LOC128092252: variants seen among roughly 807,000 people sequenced by gnomAD.
At chr15:50,654,050 C>A in the LOC128092252 span, among the ~76,000 whole-genome samples, 1 of 152,270 alleles carries the variant, frequency 6.6e-6, no homozygotes, top group Admixed American at 6.5e-5. Context: ...GAAAATCAAA[C>A]CTGAATGGAC....
the LOC128092252 span, among the ~76,000 whole-genome samples, chr15:50,674,587 G>A: frequency 1.3e-5 from 2 of 152,000 alleles, no homozygotes; most frequent in Admixed American, 6.6e-5. Context: ...CACCATTATG[G>A]TATTAGAGTA....
the LOC128092252 span, among the ~76,000 whole-genome samples, chr15:50,671,818 C>T: frequency 6.6e-6 from 1 of 152,070 alleles, no homozygotes; most frequent in East Asian, 1.9e-4. Flanking sequence ...AAAAAAAATT[C>T]CTATGGCCTA....
chr15:50,685,103 A>C, the LOC128092252 span, among the ~76,000 whole-genome samples: 1 of 152,250 alleles, frequency 6.6e-6, no homozygotes, highest in South Asian at 2.1e-4. Flanking sequence ...CACATGGTTG[A>C]AGCTGTTGAA....
the LOC128092252 span, among the ~76,000 whole-genome samples, chr15:50,685,847 G>A: frequency 6.6e-6 from 1 of 152,280 alleles, no homozygotes; most frequent in African/African-American, 2.4e-5. Context: ...AAGGGATGCG[G>A]TAGTTCGACT....
the LOC128092252 span, among the ~76,000 whole-genome samples, chr15:50,669,471 G>A: frequency 5.9e-5 from 9 of 151,970 alleles, no homozygotes; most frequent in Admixed American, 2.6e-4. Flanking sequence ...TGCTGGGCTC[G>A]GTTTTAAAAG....
At chr15:50,653,900 G>A in the LOC128092252 span, among the ~76,000 whole-genome samples, 11 of 152,124 alleles carry the variant, frequency 7.2e-5, no homozygotes, top group African/African-American at 2.4e-4. Flanking sequence ...GGAAGACATA[G>A]CAGTTTTAGT....
the LOC128092252 span, among the ~76,000 whole-genome samples, chr15:50,672,688 T>C: frequency 1.1e-4 from 16 of 151,862 alleles, no homozygotes; most frequent in Non-Finnish European, 1.6e-4. Flanking sequence ...GGCAGGCGGA[T>C]CATCTGAGGT....
the LOC128092252 span, chr15:50,686,416 C>T: frequency 4.5e-6 from 7 of 1,559,594 alleles, no homozygotes; most frequent in Admixed American, 1.7e-5. Context: ...CAAGGCAATT[C>T]GAGGGTCCTT....
At chr15:50,670,754 T>C in the LOC128092252 span, among the ~76,000 whole-genome samples, 38 of 151,768 alleles carry the variant, frequency 2.5e-4, no homozygotes, top group Non-Finnish European at 4.9e-4. Flanking sequence ...ACCATTCTTT[T>C]GTTTATTTAC....
the LOC128092252 span, among the ~76,000 whole-genome samples, chr15:50,679,501 GTA>G: frequency 2.4e-5 from 2 of 84,624 alleles, no homozygotes; most frequent in Non-Finnish European, 4.6e-5. Flanking sequence ...ATATATATGT[GTA>G]TATATATAAT....
chr15:50,678,318 G>C, the LOC128092252 span, among the ~76,000 whole-genome samples: 14 of 149,340 alleles, frequency 9.4e-5, no homozygotes, highest in Non-Finnish European at 1.9e-4. Flanking sequence ...TGATAAATTT[G>C]TACATGGGTC....
At chr15:50,660,834 T>C in the LOC128092252 span, among the ~76,000 whole-genome samples, 95,723 of 152,004 alleles carry the variant, frequency 0.63, 30,383 homozygotes, top group African/African-American at 0.68. Flanking sequence ...ATCTTAAATA[T>C]AAAAAAGGTT....
chr15:50,665,037 T>C, the LOC128092252 span, among the ~76,000 whole-genome samples: 13 of 152,152 alleles, frequency 8.5e-5, no homozygotes, highest in African/African-American at 2.4e-4. Flanking sequence ...ATTTAATAAA[T>C]ATACGCATGT....
At chr15:50,670,907 C>T in the LOC128092252 span, among the ~76,000 whole-genome samples, 57 of 151,898 alleles carry the variant, frequency 3.8e-4, no homozygotes, top group African/African-American at 1.3e-3. Flanking sequence ...GGTGCAGTAG[C>T]TCTTGCCTGT....
chr15:50,655,724 G>A, the LOC128092252 span, among the ~76,000 whole-genome samples: 7,994 of 152,214 alleles, frequency 0.053, 706 homozygotes, highest in African/African-American at 0.18. Flanking sequence ...TGGGCTGGGC[G>A]CAACAGCTCA....
At chr15:50,656,314 T>C in the LOC128092252 span, among the ~76,000 whole-genome samples, 6 of 152,038 alleles carry the variant, frequency 3.9e-5, no homozygotes, top group African/African-American at 1.4e-4. Context: ...TGTTTTTTTT[T>C]CTGGAGACAG....
chr15:50,668,511 T>G, the LOC128092252 span, among the ~76,000 whole-genome samples: 1 of 152,202 alleles, frequency 6.6e-6, no homozygotes, highest in South Asian at 2.1e-4. Context: ...TTTGTTTTTG[T>G]TTTTTGTTTT....
the LOC128092252 span, among the ~76,000 whole-genome samples, chr15:50,654,676 C>CA: frequency 6.6e-6 from 1 of 151,178 alleles, no homozygotes; most frequent in African/African-American, 2.4e-5. Flanking sequence ...GCAATCCTAG[C>CA]ACTGAAAAAT....
chr15:50,657,825 G>C, the LOC128092252 span: 4 of 1,607,772 alleles, frequency 2.5e-6, no homozygotes, highest in Admixed American at 3.3e-5. Flanking sequence ...GGCATCTATT[G>C]AACACAAAAA....
Sources: allele counts gnomAD v4.1 joint callset (sites outside exome capture counted in the v4.1 genomes callset), GRCh38; gene constraint gnomAD v4.1.1; transcripts MANE v1.5.